IQGAP2: variants seen among roughly 807,000 people sequenced by gnomAD.
IQGAP2 encodes the protein IQ motif containing GTPase activating protein 2.
Under a neutral mutation model 201.3 loss-of-function variants are expected in IQGAP2, and 173 were observed. That is an observed-to-expected ratio of 0.86 (90% CI 0.76 to 0.98). The LOEUF is 0.98. Among genes scored for constraint, IQGAP2 ranks in the 50% least tolerant of loss-of-function variants. IQGAP2 has a pLI of 0.00. For missense variants in IQGAP2, 1,687 were observed against 1,864.8 expected, an observed-to-expected ratio of 0.90 and a Z score of 1.76; for synonymous variants, 675 against 673.9, an observed-to-expected ratio of 1.00 and a Z score of -0.03.
chr5:76,435,329 C>G (rs1752594447), intron 1 of IQGAP2, among the ~76,000 whole-genome samples: 1 of 152,034 alleles, frequency 6.6e-6, no homozygotes, highest in South Asian at 2.1e-4. Flanking sequence ...TTTATGGTTT[C>G]AGGTCTTAGA....
intron 2 of IQGAP2, among the ~76,000 whole-genome samples, chr5:76,536,786 A>G (rs1490534684): frequency 6.6e-6 from 1 of 152,166 alleles, no homozygotes; most frequent in East Asian, 1.9e-4. Context: ...AAATTTGGTA[A>G]GACATGGCTT....
At chr5:76,531,915 C>T (rs140690944) in intron 2 of IQGAP2, among the ~76,000 whole-genome samples, 123 of 152,286 alleles carry the variant, frequency 8.1e-4, no homozygotes, top group African/African-American at 2.7e-3. Context: ...TTGGTAGATT[C>T]GGTATCTGGT....
intron 21 of IQGAP2, among the ~76,000 whole-genome samples, chr5:76,659,852 C>G (rs922050389): frequency 6.6e-6 from 1 of 152,108 alleles, no homozygotes; most frequent in Non-Finnish European, 1.5e-5. Context: ...ACACTGCCCC[C>G]GTTATGCCCC....
chr5:76,487,185 G>A (rs933129635), intron 2 of IQGAP2, among the ~76,000 whole-genome samples: 6 of 150,024 alleles, frequency 4.0e-5, no homozygotes, highest in Non-Finnish European at 7.4e-5. Flanking sequence ...TGCAACCTCC[G>A]CCTCCCAGGT....
chr5:76,659,377 C>T (rs1409245993), intron 21 of IQGAP2, among the ~76,000 whole-genome samples: 1 of 152,106 alleles, frequency 6.6e-6, no homozygotes, highest in African/African-American at 2.4e-5. Flanking sequence ...AGACATGATA[C>T]AGTTACCAGA....
chr5:76,619,977 G>C (rs1389765188), intron 13 of IQGAP2, among the ~76,000 whole-genome samples: 1 of 152,082 alleles, frequency 6.6e-6, no homozygotes, highest in Non-Finnish European at 1.5e-5. Flanking sequence ...CATAACCCAA[G>C]GAATGCAGGC....
At chr5:76,531,003 A>C (rs372683436) in intron 2 of IQGAP2, among the ~76,000 whole-genome samples, 4 of 152,378 alleles carry the variant, frequency 2.6e-5, no homozygotes, top group East Asian at 3.9e-4. Context: ...TAGGACTGAC[A>C]GATGGGCTCT....
At chr5:76,566,662 A>G (rs1314820789) in intron 3 of IQGAP2, among the ~76,000 whole-genome samples, 2 of 152,130 alleles carry the variant, frequency 1.3e-5, no homozygotes, top group African/African-American at 4.8e-5. Flanking sequence ...GAAGGAGGAT[A>G]AGAGGGGAGA....
chr5:76,593,623 C>T lies in IQGAP2; in HGVS notation c.907+698C>T, dbSNP rs570336370. On this transcript the variant is annotated intron_variant, in intron 9 of 35. Coordinates refer to ENST00000274364, the MANE Select transcript of IQGAP2 (RefSeq NM_006633.5). ...CTGGCAAAACCTATTTTTACTTGAG[C>T]ATCAGAAGAGTCAGTAAGAAATTTC... 4.6e-5 allele frequency among the ~76,000 whole-genome samples: 7 copies of T among 152,238 alleles called. No homozygotes were observed. The East Asian group carries it at 1.4e-3, about 29-fold the overall frequency.
At chr5:76,410,658 G>A (rs1424585782) in intron 1 of IQGAP2, among the ~76,000 whole-genome samples, 2 of 152,170 alleles carry the variant, frequency 1.3e-5, no homozygotes, top group African/African-American at 4.8e-5. Context: ...CTTAGAGCAG[G>A]ACAAGGATAT....
chr5:76,564,322 C>T lies in IQGAP2; in HGVS notation c.303+1770C>T, dbSNP rs898909675. Among the ~76,000 whole-genome samples, 7 of 152,178 alleles carry T rather than the reference C, an allele frequency of 4.6e-5. No homozygotes were observed. The South Asian group carries it at 1.0e-3, about 23-fold the overall frequency. The stretch of plus-strand genomic sequence containing the variant: ...CTTTTATTTTGGTTATAATCAAGAT[C>T]TAGGTCTGTCAGTACCAACACGTAT... On this transcript the variant is annotated intron_variant, in intron 3 of 35. Coordinates refer to ENST00000274364, the MANE Select transcript of IQGAP2 (RefSeq NM_006633.5).
chr5:76,615,679 TG>T (rs1385832648), intron 13 of IQGAP2: 7 of 152,232 alleles, frequency 4.6e-5, no homozygotes, highest in African/African-American at 1.7e-4. Context: ...TCTTCCCTCC[TG>T]TCTAATCACT....
intron 2 of IQGAP2, among the ~76,000 whole-genome samples, chr5:76,503,936 A>G (rs1206542218): frequency 6.6e-6 from 1 of 152,194 alleles, no homozygotes; most frequent in East Asian, 1.9e-4. Flanking sequence ...TCATTTGTGG[A>G]GTACAGATAT....
chr5:76,657,155 A>G (rs1037917027), intron 20 of IQGAP2, among the ~76,000 whole-genome samples: 3 of 152,220 alleles, frequency 2.0e-5, no homozygotes, highest in African/African-American at 7.2e-5. Context: ...AAGCTAAAAT[A>G]CTAATTTAGT....
At chr5:76,667,853 G>A (rs1027299794) in intron 22 of IQGAP2, among the ~76,000 whole-genome samples, 1 of 143,874 alleles carries the variant, frequency 7.0e-6, no homozygotes, top group Non-Finnish European at 1.5e-5. Context: ...GCCAGTCTAT[G>A]TAGCCGGGCC....
intron 1 of IQGAP2, among the ~76,000 whole-genome samples, chr5:76,424,970 C>G (rs189881240): frequency 6.6e-6 from 1 of 152,136 alleles, no homozygotes; most frequent in African/African-American, 2.4e-5. Flanking sequence ...CATGCATGCA[C>G]GCAGGATTGA....
chr5:76,605,209 A>G (rs550881060), intron 11 of IQGAP2, among the ~76,000 whole-genome samples: 22 of 152,338 alleles, frequency 1.4e-4, no homozygotes, highest in African/African-American at 3.8e-4. Context: ...AAGTTTCTTA[A>G]TATATCAGTA....
intron 27 of IQGAP2, among the ~76,000 whole-genome samples, chr5:76,675,641 G>C (rs1005969262): frequency 7.2e-5 from 11 of 152,132 alleles, no homozygotes; most frequent in African/African-American, 2.2e-4. Context: ...TTAATCAACA[G>C]GCCATAGAAG....
At position 76,562,480 on chromosome 5, in the gene IQGAP2, G is replaced by C; in HGVS notation, c.231G>C (p.Lys77Asn). The C allele has an allele frequency of 6.2e-7, 1 of 1,614,036 alleles. No individual in the cohort carries two copies. ...EGLRNGVYLA[K>N]LAKFFAPKMV... ...TCCGGAATGGAGTTTACCTTGCAAA[G>C]TTAGCCAAGTTCTTTGCCCCGAAAA... The change falls in exon 3 of 36, where the codon AAG (lysine) becomes AAC (asparagine). Residue 77 changes from lysine (K) to asparagine (N), a missense_variant. Lys to Asn is a moderately conservative substitution (Grantham distance 94). Coordinates refer to ENST00000274364, the MANE Select transcript of IQGAP2 (RefSeq NM_006633.5).
Sources: gnomAD v4.1 joint callset for allele counts (sites outside exome capture counted in the v4.1 genomes callset) on GRCh38, gnomAD v4.1.1 for gene constraint, MANE v1.5 for transcripts, NCBI Gene and HGNC (gene_info 2026-07-23, HGNC 2026-07-21) for gene names.